CDH12: variants seen among roughly 807,000 people sequenced by gnomAD.
The protein encoded by CDH12 is cadherin-12.
CDH12 carries 41 observed loss-of-function variants against 74.1 expected under a neutral mutation model. The observed-to-expected ratio is 0.55, with a 90% confidence interval of 0.43 to 0.72. CDH12 has a LOEUF of 0.72. CDH12 is among the 30% of genes least tolerant of loss of function. CDH12 has a pLI of 0.00. For synonymous variants in CDH12, 399 were observed against 355.0 expected (o/e 1.12, Z -1.39); for missense variants, 945 against 977.2 (o/e 0.97, Z 0.44).
chr5:21,988,487 G>A (rs112779496), intron 5 of CDH12, among the ~76,000 whole-genome samples: 1 of 69,090 alleles, frequency 1.4e-5, no homozygotes, highest in Admixed American at 2.4e-4. Context: ...GCGAGACTCC[G>A]TCTCAAAAAA....
chr5:22,847,743 AAATT>A (rs1385653736), intron 1 of CDH12, among the ~76,000 whole-genome samples: 3 of 152,216 alleles, frequency 2.0e-5, no homozygotes, highest in Non-Finnish European at 4.4e-5. Context: ...GGCATTATTA[AAATT>A]AATGACATTT....
chr5:21,846,359 G>A (rs928254876), intron 7 of CDH12, among the ~76,000 whole-genome samples: 7 of 151,938 alleles, frequency 4.6e-5, no homozygotes, highest in East Asian at 1.9e-4. Context: ...TTAAACCTCC[G>A]TTCTTAACCT....
rs114927459 is a variant in CDH12 at position 22,101,953 on chromosome 5, G to A, written c.-186-23091C>T. 6.0e-3 allele frequency among the ~76,000 whole-genome samples: 914 copies of A among 152,230 alleles called. 9 individuals are homozygous for A. The highest frequency in any genetic ancestry group is 0.02 in the African/African-American group (844 of 41,548). ...AGTCATAACCAATATGTAACCAAATGGGTATGACTATGTTCCAATAGTGCC... is the reference window on the plus strand; with the variant it reads ...AGTCATAACCAATATGTAACCAAATAGGTATGACTATGTTCCAATAGTGCC... On this transcript the variant is annotated intron_variant, in intron 4 of 14. Coordinates refer to ENST00000382254, the MANE Select transcript of CDH12 (RefSeq NM_004061.5).
At chr5:22,443,677 TATGCATCAATCA>T (rs1351181934) in intron 2 of CDH12, among the ~76,000 whole-genome samples, 4 of 152,130 alleles carry the variant, frequency 2.6e-5, no homozygotes, top group African/African-American at 9.7e-5. Flanking sequence ...ACTTAGGTTG[TATGCATCAATCA>T]ATGGTTAGAA....
chr5:22,043,130 A>C (rs1197513976), intron 5 of CDH12, among the ~76,000 whole-genome samples: 1 of 152,104 alleles, frequency 6.6e-6, no homozygotes, highest in East Asian at 1.9e-4. Context: ...AAACAAGATG[A>C]AGACACAACC....
rs1181837084 is a variant in CDH12 at position 21,751,949 on chromosome 5, C to T, written c.2173G>A (p.Asp725Asn). The change falls in exon 15 of 15, where the codon GAT (aspartate) becomes AAT (asparagine). Residue 725 changes from aspartate (D) to asparagine (N), a missense_variant. By Grantham distance (23) the Asp-to-Asn change is conservative. Transcript: ENST00000382254. ...DFIHQRLQENDVDPTAPPYDS... is the reference protein window; with the variant it reads ...DFIHQRLQENNVDPTAPPYDS... ...TATGGTGGGGCAGTTGGATCCACAT[C>T]ATTTTCCTGTAGCCTTTGATGAATG... 1.2e-6 allele frequency: 2 copies of T among 1,614,032 alleles called. No homozygotes were observed. Among genetic ancestry groups the T allele is most frequent in the Non-Finnish European group, 1.7e-6 (2 of 1,179,982 alleles).
chr5:22,408,406 C>T (rs1177585874), intron 2 of CDH12, among the ~76,000 whole-genome samples: 1 of 151,760 alleles, frequency 6.6e-6, no homozygotes, highest in African/African-American at 2.4e-5. Context: ...ACGTAAGTCA[C>T]CTATCCAATG....
chr5:22,142,505 G>A (rs974159232), intron 4 of CDH12: 7 of 666,258 alleles, frequency 1.1e-5, no homozygotes, highest in African/African-American at 1.8e-5. Flanking sequence ...TCAGGATACC[G>A]AATCAACACA....
chr5:21,894,073 T>C (rs188010610), intron 6 of CDH12, among the ~76,000 whole-genome samples: 4 of 152,262 alleles, frequency 2.6e-5, no homozygotes, highest in Admixed American at 2.6e-4. Flanking sequence ...AGAATGGTAC[T>C]AGCATAAAGA....
intron 3 of CDH12, among the ~76,000 whole-genome samples, chr5:22,252,382 C>A (rs1210304031): frequency 1.4e-5 from 2 of 147,928 alleles, no homozygotes; most frequent in Non-Finnish European, 1.5e-5. Flanking sequence ...AGTTATGTTC[C>A]AAACTTAAAA....
chr5:22,444,921 T>C (rs561002840), intron 2 of CDH12, among the ~76,000 whole-genome samples: 1 of 152,068 alleles, frequency 6.6e-6, no homozygotes, highest in South Asian at 2.1e-4. Context: ...TATACCATGT[T>C]CTCCAGAAGA....
At chr5:21,971,092 A>G (rs559912941) in intron 6 of CDH12, among the ~76,000 whole-genome samples, 1 of 152,004 alleles carries the variant, frequency 6.6e-6, no homozygotes, top group South Asian at 2.1e-4. Context: ...TTTCTTTTTA[A>G]GATATTGAAT....
At chr5:21,995,315 G>C (rs1202395635) in intron 5 of CDH12, among the ~76,000 whole-genome samples, 1 of 151,538 alleles carries the variant, frequency 6.6e-6, no homozygotes, top group Non-Finnish European at 1.5e-5. Flanking sequence ...TCAGTATAGA[G>C]GACAGAGCTT....
intron 3 of CDH12, among the ~76,000 whole-genome samples, chr5:22,270,610 T>A (rs565081946): frequency 0.012 from 1,747 of 149,380 alleles, 19 homozygotes; most frequent in African/African-American, 0.017. Flanking sequence ...AAAAAATATA[T>A]ATATATATAT....
At chr5:22,573,433 A>G (rs998811071) in intron 1 of CDH12, among the ~76,000 whole-genome samples, 11 of 152,246 alleles carry the variant, frequency 7.2e-5, no homozygotes, top group African/African-American at 2.4e-4. Flanking sequence ...AACAATATGT[A>G]TATAAAAAAT....
At chr5:21,814,563 G>C (rs183741000) in intron 9 of CDH12, among the ~76,000 whole-genome samples, 1 of 151,268 alleles carries the variant, frequency 6.6e-6, no homozygotes, top group East Asian at 1.9e-4. Context: ...TTACTTATTG[G>C]TATAGGTGGT....
At position 22,734,753 on chromosome 5, in the gene CDH12, C is replaced by T. The variant is rs112257391; in HGVS notation, c.-523+118305G>A. On this transcript the variant is annotated intron_variant, in intron 1 of 14. Coordinates refer to ENST00000382254, the MANE Select transcript of CDH12 (RefSeq NM_004061.5). ...TGCACCGGTCTTGAGATGGGGTCTA[C>T]GATAATGTTCTTAGTAGCAGTATTC... 7.2e-3 allele frequency among the ~76,000 whole-genome samples: 1,101 copies of T among 151,930 alleles called. 13 individuals carry two copies. Among genetic ancestry groups the T allele is most frequent in the African/African-American group, 0.025 (1,051 of 41,466 alleles).
chr5:22,402,607 A>C (rs569842592), intron 3 of CDH12, among the ~76,000 whole-genome samples: 80 of 152,338 alleles, frequency 5.3e-4, no homozygotes, highest in Middle Eastern at 3.4e-3. Flanking sequence ...ACTGAAGATG[A>C]AACTTCTGTG....
intron 7 of CDH12, among the ~76,000 whole-genome samples, chr5:21,853,415 C>G (rs7445359): frequency 0.63 from 95,683 of 151,324 alleles, 34,516 homozygotes; most frequent in East Asian, 0.79. Context: ...ACTCTACCCT[C>G]TTTTCAGGTT....
Sources: gnomAD v4.1 joint callset for allele counts (sites outside exome capture counted in the v4.1 genomes callset) on GRCh38, gnomAD v4.1.1 for gene constraint, MANE v1.5 for transcripts, NCBI Gene and HGNC (gene_info 2026-07-23, HGNC 2026-07-21) for gene names.